RECQL5: variants seen among roughly 807,000 people sequenced by gnomAD.
The protein encoded by RECQL5 is ATP-dependent DNA helicase Q5.
RECQL5 carries 88 observed loss-of-function variants against 103.4 expected under a neutral mutation model. That is an observed-to-expected ratio of 0.85 (90% CI 0.72 to 1.02). RECQL5 has a LOEUF of 1.02. RECQL5 is among the 50% of genes least tolerant of loss of function. The probability of loss-of-function intolerance (pLI) is 0.00; values close to 1 mark genes in which losing one functional copy is unlikely to be tolerated. For synonymous variants in RECQL5, 552 were observed against 507.9 expected (o/e 1.09, Z -1.17); for missense variants, 1,232 against 1,284.3 (o/e 0.96, Z 0.62).
chr17:75,628,311 C>T lies in RECQL5; in HGVS notation c.2712G>A (p.Gln904=). ...TCAAGGAGACGCCAGGAGCGGAGAG[C>T]TGGAAGGGGTCTTGAGCCGTGGGAT... The part of the protein sequence containing the change: ...TLNPTAQDPF[Q]LSAPGVSLKE... The change falls in exon 18 of 20, where the codon CAG becomes CAA. Residue 904 remains glutamine, a synonymous_variant. Coordinates refer to ENST00000317905, the MANE Select transcript of RECQL5 (RefSeq NM_004259.7). 1 of 1,614,170 alleles carries T rather than the reference C, an allele frequency of 6.2e-7. No homozygotes were observed. The highest frequency in any genetic ancestry group is 8.5e-7 in the Non-Finnish European group (1 of 1,180,022).
chr17:75,630,246 C>T lies in RECQL5; in HGVS notation c.1750G>A (p.Glu584Lys), dbSNP rs1033027666. The T allele has an allele frequency of 4.5e-6, 7 of 1,562,116 alleles. No homozygotes were observed. Among genetic ancestry groups the T allele is most frequent in the Non-Finnish European group, 5.2e-6 (6 of 1,152,192 alleles). Residue 584 changes from glutamate (E) to lysine (K), a missense_variant, in exon 14 of 20, where the codon GAA (glutamate) becomes AAA (lysine). Glu to Lys is a moderately conservative substitution (Grantham distance 56). Coordinates refer to ENST00000317905, the MANE Select transcript of RECQL5 (RefSeq NM_004259.7). ...TTGGCGTTCCGGAATGTCTCATGTT[C>T]CAGCTCCACGGCCTTGGCCCGGAGG... ...ADLRAKAVEL[E>K]HETFRNAKVA...
chr17:75,666,586 A>C lies in RECQL5; in HGVS notation c.-14-15T>G. Reference sequence around the variant, plus strand: ...AGCCAAGAACAGTGGCCAAAGGTTAAGGCAAAGGTAGTAAAAGGTTGCCAC... The same window carrying C: ...AGCCAAGAACAGTGGCCAAAGGTTACGGCAAAGGTAGTAAAAGGTTGCCAC... On this transcript the variant is annotated splice_polypyrimidine_tract_variant and intron_variant, in intron 1 of 19. Transcript: ENST00000317905. 2 of 1,607,478 alleles carry C rather than the reference A, an allele frequency of 1.2e-6. No individual in the cohort carries two copies. The highest frequency in any genetic ancestry group is 1.7e-6 in the Non-Finnish European group (2 of 1,177,660).
At chr17:75,652,840 G>T (rs888479712) in intron 7 of RECQL5, among the ~76,000 whole-genome samples, 5 of 152,190 alleles carry the variant, frequency 3.3e-5, no homozygotes, top group Non-Finnish European at 7.3e-5. Flanking sequence ...TAACTTAAAA[G>T]GAAGAAAAAG....
Position 75,629,025 on chromosome 17 carries a change from C to A in RECQL5, c.2398G>T (p.Ala800Ser). The change falls in exon 16 of 20, where the codon GCC (alanine) becomes TCC (serine). Residue 800 changes from alanine (A) to serine (S), a missense_variant. Transcript: ENST00000317905. ...SCEGVQGPPM[A>S]PEKYTGEEDG... ...TCCTCCCCTGTGTACTTCTCTGGGG[C>A]CATCGGGGGTCCCTGAACCCCCTCA... 6.3e-7 allele frequency: 1 copy of A among 1,583,860 alleles called. No individual in the cohort carries two copies. The highest frequency in any genetic ancestry group is 1.2e-5 in the South Asian group (1 of 86,512).
At position 75,661,026 on chromosome 17, in the gene RECQL5, C is replaced by T; in HGVS notation, c.915G>A (p.Trp305Ter). The T allele has an allele frequency of 1.2e-6, 2 of 1,614,224 alleles. No homozygotes were observed. The highest frequency in any genetic ancestry group is 1.7e-6 in the Non-Finnish European group (2 of 1,180,042). ...ASERTLVQNDWMEEKVPVIVA... is the reference protein window; with the variant it reads ...ASERTLVQND ...CAATTACAGGGACCTTCTCCTCCAT[C>T]CAGTCGTTCTGCACCAGCGTTCTTT... The change falls in exon 6 of 20, where the codon TGG (tryptophan) becomes TGA (stop). Residue 305 changes from tryptophan (W) to a stop codon, truncating the protein, a stop_gained. Transcript: ENST00000317905. LOFTEE classifies it high-confidence loss of function.
chr17:75,640,014 C>A lies in RECQL5; in HGVS notation c.1230-8346G>T. On this transcript the variant is annotated intron_variant, in intron 8 of 19. Coordinates refer to ENST00000317905, the MANE Select transcript of RECQL5 (RefSeq NM_004259.7). This position sits in a 1 kb window ranked among gnomAD's most constrained non-coding sequence, Gnocchi z 4.6. ...GTGTCAGCTGGGTGGGGACTGAGGGCCACCACTAGGTGGAAGTCACCAGGG... is the reference window on the plus strand; with the variant it reads ...GTGTCAGCTGGGTGGGGACTGAGGGACACCACTAGGTGGAAGTCACCAGGG... 1 of 759,498 alleles carries A rather than the reference C, an allele frequency of 1.3e-6. No homozygotes were observed. The highest frequency in any genetic ancestry group is 2.0e-6 in the Non-Finnish European group (1 of 497,700). 47.0% of individuals were successfully genotyped at this position (759,498 alleles called of 1,614,324 possible).
intron 7 of RECQL5, among the ~76,000 whole-genome samples, chr17:75,655,557 G>A (rs9905552): frequency 0.47 from 71,091 of 151,828 alleles, 18,831 homozygotes; most frequent in Non-Finnish European, 0.6. Flanking sequence ...ATAGAGATGG[G>A]GTTTCACCAT....
intron 8 of RECQL5, chr17:75,647,516 T>C (rs1488066721): frequency 6.4e-7 from 1 of 1,550,428 alleles, no homozygotes; most frequent in Admixed American, 2.0e-5. Context: ...GTGTTTGGTT[T>C]ACTCACTTCC....
intron 7 of RECQL5, among the ~76,000 whole-genome samples, chr17:75,655,308 T>C (rs531386737): frequency 3.4e-4 from 51 of 151,204 alleles, no homozygotes; most frequent in African/African-American, 1.2e-3. Context: ...TGGCCTCAAG[T>C]GATCCGCTCG....
rs1472525951 is a variant in RECQL5 at position 75,658,710 on chromosome 17, C to T, written c.987-250G>A. On this transcript the variant is annotated intron_variant, in intron 6 of 19. Coordinates refer to ENST00000317905, the MANE Select transcript of RECQL5 (RefSeq NM_004259.7). ...ACATATGAGGGGCCAAAAAACTCAG[C>T]CAGGGCCCAGTGGAAAAAATACTGG... is the stretch of plus-strand genomic sequence containing the variant. Among the ~76,000 whole-genome samples, 8 of 152,238 alleles carry T rather than the reference C, an allele frequency of 5.3e-5. No individual in the cohort carries two copies. In the South Asian group the frequency reaches 1.5e-3, roughly 28 times the overall value.
chr17:75,662,730 A>G lies in RECQL5; in HGVS notation c.520T>C (p.Leu174=). The G allele has an allele frequency of 6.2e-7, 1 of 1,614,070 alleles. No homozygotes were observed. The highest frequency in any genetic ancestry group is 8.5e-7 in the Non-Finnish European group (1 of 1,180,024). Residue 174 remains leucine (L), a synonymous_variant, in exon 4 of 20, where the codon TTG becomes CTG. Coordinates refer to ENST00000317905, the MANE Select transcript of RECQL5 (RefSeq NM_004259.7). ...CGGGAGCGCAGGGCACCCAGACGCA[A>G]GTAGTCAGGACGAAAGTCATGCCCC... ...QWGHDFRPDY[L]RLGALRSRLG...
rs960664173 is a variant in RECQL5 at position 75,630,693 on chromosome 17, C to T, written c.1645-1G>A. The T allele has an allele frequency of 1.2e-6, 2 of 1,613,532 alleles. No homozygotes were observed. The highest frequency in any genetic ancestry group is 2.7e-5 in the African/African-American group (2 of 74,936). On this transcript the variant is annotated splice_acceptor_variant, in intron 12 of 19. Coordinates refer to ENST00000317905, the MANE Select transcript of RECQL5 (RefSeq NM_004259.7). LOFTEE classifies it high-confidence loss of function. Reference sequence around the variant, plus strand: ...GAAGCCGCAGGCAGTGCTCCCGTGCCTGGCACAGGACAGTGAGACTGGTCG... The same window carrying T: ...GAAGCCGCAGGCAGTGCTCCCGTGCTTGGCACAGGACAGTGAGACTGGTCG...
rs746678285 is a variant in RECQL5, at chr17:75,630,703, A to C, written c.1645-11T>G. On this transcript the variant is annotated splice_polypyrimidine_tract_variant and intron_variant, in intron 12 of 19. Transcript: ENST00000317905. ...GCAGTGCTCCCGTGCCTGGCACAGG[A>C]CAGTGAGACTGGTCGCATGGCCTCG... is the stretch of plus-strand genomic sequence containing the variant. 8.7e-6 allele frequency: 14 copies of C among 1,612,998 alleles called. No homozygotes were observed. Among genetic ancestry groups the C allele is most frequent in the Non-Finnish European group, 2.5e-6 (3 of 1,179,584 alleles).
chr17:75,647,789 T>C (rs184930261), intron 8 of RECQL5: 6 of 521,132 alleles, frequency 1.2e-5, no homozygotes, highest in Non-Finnish European at 2.1e-5. Context: ...CTTGACCCTA[T>C]TGTTTTTAGG....
Position 75,629,900 on chromosome 17 carries a change from A to C in RECQL5, c.1813-58T>G, listed in dbSNP as rs868464607. On this transcript the variant is annotated intron_variant, in intron 14 of 19. Transcript: ENST00000317905. The stretch of plus-strand genomic sequence containing the variant: ...CCGCCAGCTCCTCCTGACATGCCCC[A>C]CCTAGCCCTCCTTTTCTACTAGGCA... 125 of 1,541,706 alleles carry C rather than the reference A, an allele frequency of 8.1e-5. 3 individuals are homozygous for C. In the South Asian group the frequency reaches 1.5e-3, roughly 18 times the overall value.
Position 75,630,167 on chromosome 17 carries a change from G to A in RECQL5, c.1812+17C>T, listed in dbSNP as rs201127018. 293 of 1,532,280 alleles carry A rather than the reference G, an allele frequency of 1.9e-4. No homozygotes were observed. Among genetic ancestry groups the A allele is most frequent in the African/African-American group, 2.8e-4 (20 of 72,512 alleles). 94.9% of individuals were successfully genotyped at this position (1,532,280 alleles called of 1,614,324 possible). A position where few individuals can be genotyped will look rare whatever the true frequency, so the allele number is the denominator to read the frequency against. The stretch of plus-strand genomic sequence containing the variant: ...GGGCCCCTGCAACGACCCTGGGTCC[G>A]CCTGCACCAGGCCCACCTTCTTCAG... On this transcript the variant is annotated intron_variant, in intron 14 of 19. Coordinates refer to ENST00000317905, the MANE Select transcript of RECQL5 (RefSeq NM_004259.7).
chr17:75,632,528 G>A (rs1568261715), intron 8 of RECQL5, among the ~76,000 whole-genome samples: 1 of 152,264 alleles, frequency 6.6e-6, no homozygotes, highest in East Asian at 1.9e-4. Flanking sequence ...CACAGGTGGG[G>A]CCTTTAGCCA....
Position 75,666,456 on chromosome 17 carries a change from C to T in RECQL5, c.102G>A (p.Gln34=), listed in dbSNP as rs2059783730. ...FGFDSFKTPL[Q]ESATMAVVKG... is the part of the protein sequence containing the mutation. Reference sequence around the variant, plus strand: ...TTACTACAGCCATGGTCGCACTCTCCTGTAAAGGCGTCTTAAAAGAGTCAA... The same window carrying T: ...TTACTACAGCCATGGTCGCACTCTCTTGTAAAGGCGTCTTAAAAGAGTCAA... The change falls in exon 2 of 20, where the codon CAG becomes CAA. Residue 34 remains glutamine (Q), a synonymous_variant. Coordinates refer to ENST00000317905, the MANE Select transcript of RECQL5 (RefSeq NM_004259.7). 2 of 1,613,946 alleles carry T rather than the reference C, an allele frequency of 1.2e-6. No individual in the cohort carries two copies. Among genetic ancestry groups the T allele is most frequent in the African/African-American group, 2.7e-5 (2 of 74,856 alleles).
intron 8 of RECQL5, chr17:75,650,668 T>C: frequency 6.2e-7 from 1 of 1,614,074 alleles, no homozygotes. Context: ...GGACACAACC[T>C]GACTACACCA....
Sources: allele counts gnomAD v4.1 joint callset (sites outside exome capture counted in the v4.1 genomes callset), GRCh38; gene constraint gnomAD v4.1.1; non-coding constraint Gnocchi (gnomAD v3.1); transcripts MANE v1.5; gene names NCBI Gene and HGNC (gene_info 2026-07-23, HGNC 2026-07-21).